Variants in PCDH9 observed in about 807,000 individuals in gnomAD.
PCDH9 encodes the protein protocadherin 9, also known as protocadherin-9.
PCDH9 carries 24 observed loss-of-function variants against 70.6 expected under a neutral mutation model. That is an observed-to-expected ratio of 0.34 (90% confidence interval 0.25 to 0.48). The LOEUF (loss-of-function observed/expected upper bound fraction) is 0.48. Ranked by LOEUF, PCDH9 falls within the 20% of genes least tolerant of loss-of-function variation. The pLI, the probability that PCDH9 is intolerant of heterozygous loss-of-function variation, is 0.99. For missense variants in PCDH9, 1,281 were observed against 1,503.6 expected, an observed-to-expected ratio of 0.85 and a Z score of 2.45; for synonymous variants, 562 against 558.5, an observed-to-expected ratio of 1.01 and a Z score of -0.09.
chr13:66,304,604 C>T lies in PCDH9; in HGVS notation c.*51G>A, dbSNP rs752457644. ...ATTGAATACATAAAGCTCTGACGCACACGGTATTAGCATGTCTATTTAAAG... is the reference window on the plus strand; with the variant it reads ...ATTGAATACATAAAGCTCTGACGCATACGGTATTAGCATGTCTATTTAAAG... On this transcript the variant is annotated 3_prime_UTR_variant, in exon 5 of 5. Transcript: ENST00000377865. 6.9e-7 allele frequency: 1 copy of T among 1,456,418 alleles called. No homozygotes were observed. The highest frequency in any genetic ancestry group is 2.3e-5 in the East Asian group (1 of 43,934). The allele number at this position is 1,456,418 out of a possible 1,614,324, so 90.2% of individuals were successfully genotyped here. A position where few individuals can be genotyped will look rare whatever the true frequency, so the allele number is the denominator to read the frequency against.
At chr13:66,712,258 A>G (rs1230534723) in intron 3 of PCDH9, among the ~76,000 whole-genome samples, 2 of 152,108 alleles carry the variant, frequency 1.3e-5, no homozygotes, top group Admixed American at 1.3e-4. Context: ...ATATGATGTA[A>G]TAGATTTGTC....
intron 4 of PCDH9, among the ~76,000 whole-genome samples, chr13:66,502,947 G>A (rs1472970563): frequency 6.6e-6 from 1 of 152,156 alleles, no homozygotes; most frequent in Non-Finnish European, 1.5e-5. Flanking sequence ...GGGTACTTGT[G>A]CTAGTTGCTC....
intron 4 of PCDH9, among the ~76,000 whole-genome samples, chr13:66,554,399 A>G (rs1961632320): frequency 6.6e-6 from 1 of 152,146 alleles, no homozygotes; most frequent in Non-Finnish European, 1.5e-5. Flanking sequence ...AAAAATAATA[A>G]GTTTTTGAAT....
At chr13:66,634,203 T>C (rs1404256543) in intron 3 of PCDH9, among the ~76,000 whole-genome samples, 2 of 152,210 alleles carry the variant, frequency 1.3e-5, no homozygotes, top group African/African-American at 4.8e-5. Context: ...TGTTTAAGTC[T>C]TAATTGGCAG....
intron 4 of PCDH9, among the ~76,000 whole-genome samples, chr13:66,518,797 G>A (rs1204209208): frequency 6.6e-6 from 1 of 152,088 alleles, no homozygotes; most frequent in Non-Finnish European, 1.5e-5. Flanking sequence ...AGGGGCAAAG[G>A]GATTCAATGG....
At chr13:66,766,729 T>C (rs1228378359) in intron 3 of PCDH9, among the ~76,000 whole-genome samples, 1 of 151,946 alleles carries the variant, frequency 6.6e-6, no homozygotes, top group African/African-American at 2.4e-5. Flanking sequence ...CTTCTGTGTG[T>C]TTGGAAAGTT....
At chr13:66,889,401 G>A (rs985295536) in intron 3 of PCDH9, among the ~76,000 whole-genome samples, 24 of 152,090 alleles carry the variant, frequency 1.6e-4, no homozygotes, top group African/African-American at 2.7e-4. Context: ...TAAGTCATTC[G>A]TCACATATCT....
intron 3 of PCDH9, among the ~76,000 whole-genome samples, chr13:66,734,823 A>G (rs530850030): frequency 6.6e-6 from 1 of 152,174 alleles, no homozygotes; most frequent in Non-Finnish European, 1.5e-5. Flanking sequence ...AGAGAAATAA[A>G]TGACTTATAC....
At chr13:66,602,677 G>T (rs1460546121) in intron 4 of PCDH9, among the ~76,000 whole-genome samples, 1 of 145,288 alleles carries the variant, frequency 6.9e-6, no homozygotes, top group Non-Finnish European at 1.5e-5. Context: ...ATTTAAATAA[G>T]TTCAGTGCGG....
intron 4 of PCDH9, among the ~76,000 whole-genome samples, chr13:66,417,868 G>A (rs750233933): frequency 1.1e-4 from 16 of 152,258 alleles, no homozygotes; most frequent in South Asian, 2.1e-4. Flanking sequence ...TGTTTTTCTT[G>A]TAAATTTGTT....
rs78247836 is a variant in PCDH9 at position 66,510,064 on chromosome 13, C to A, written c.3340+121146G>T. Among the ~76,000 whole-genome samples the A allele has an allele frequency of 1.7e-3, 265 of 152,132 alleles. 12 individuals carry two copies. In the East Asian group the frequency reaches 0.039, roughly 23 times the overall value. On this transcript the variant is annotated intron_variant, in intron 4 of 4. Transcript: ENST00000377865. Reference sequence around the variant, plus strand: ...CCCCAGTGATTTTTTGGCTTTTACTCTTTTATTTTTCTGAGCATAATTTAG... The same window carrying A: ...CCCCAGTGATTTTTTGGCTTTTACTATTTTATTTTTCTGAGCATAATTTAG...
intron 2 of PCDH9, among the ~76,000 whole-genome samples, chr13:67,096,009 TA>T (rs1345404451): frequency 6.6e-6 from 1 of 152,180 alleles, no homozygotes; most frequent in Non-Finnish European, 1.5e-5. Flanking sequence ...ATTATAGTAA[TA>T]AAGACAAGCA....
At chr13:66,745,038 T>C (rs2079337601) in intron 3 of PCDH9, among the ~76,000 whole-genome samples, 2 of 152,184 alleles carry the variant, frequency 1.3e-5, no homozygotes, top group South Asian at 4.1e-4. Flanking sequence ...CGTAGCTATA[T>C]AAACTTAGCA....
At chr13:66,452,620 A>G (rs987642380) in intron 4 of PCDH9, among the ~76,000 whole-genome samples, 8 of 152,036 alleles carry the variant, frequency 5.3e-5, no homozygotes, top group African/African-American at 1.4e-4. Flanking sequence ...AGTCTTCTCA[A>G]TCTGCTCAGA....
intron 2 of PCDH9, among the ~76,000 whole-genome samples, chr13:67,177,380 AT>A (rs1485778610): frequency 6.6e-6 from 1 of 152,004 alleles, no homozygotes; most frequent in Admixed American, 6.6e-5. Context: ...TTTCTGTTCA[AT>A]TGGCTGTATG....
In PCDH9 at chr13:67,228,081, A is replaced by C. The variant is rs752887585; in HGVS notation, c.360T>G (p.Asn120Lys). The change falls in exon 2 of 5, where the codon AAT becomes AAG. Residue 120 changes from asparagine (N) to lysine (K), a missense_variant. Physicochemically the swap from Asn to Lys is moderately conservative, Grantham distance 94. Coordinates refer to ENST00000377865, the MANE Select transcript of PCDH9 (RefSeq NM_203487.3). ...FFELEVVILPNDFFRLIKIKI... is the reference protein window; with the variant it reads ...FFELEVVILPKDFFRLIKIKI... ...TTATTTTGATCAGCCTGAAGAAATC[A>C]TTGGGGAGGATCACCACCTCAAGTT... 1 of 1,614,128 alleles carries C rather than the reference A, an allele frequency of 6.2e-7. No individual in the cohort carries two copies. The highest frequency in any genetic ancestry group is 8.5e-7 in the Non-Finnish European group (1 of 1,180,006).
chr13:66,620,061 T>C (rs1183671904), intron 4 of PCDH9, among the ~76,000 whole-genome samples: 1 of 152,174 alleles, frequency 6.6e-6, no homozygotes, highest in East Asian at 1.9e-4. Context: ...TTTTATATTC[T>C]CTTTTTTAAT....
intron 4 of PCDH9, among the ~76,000 whole-genome samples, chr13:66,537,465 T>A (rs1238866816): frequency 1.3e-5 from 2 of 152,014 alleles, no homozygotes; most frequent in Admixed American, 6.6e-5. Context: ...GAAGATAACA[T>A]CCAAACAGAA....
chr13:67,057,256 G>C (rs2085440216), intron 2 of PCDH9, among the ~76,000 whole-genome samples: 1 of 151,974 alleles, frequency 6.6e-6, no homozygotes, highest in Non-Finnish European at 1.5e-5. Context: ...ACTTTCCTTA[G>C]AGTAGTGGCT....
Sources: gnomAD v4.1 joint callset for allele counts (sites outside exome capture counted in the v4.1 genomes callset) on GRCh38, gnomAD v4.1.1 for gene constraint, MANE v1.5 for transcripts, NCBI Gene and HGNC (gene_info 2026-07-23, HGNC 2026-07-21) for gene names.